DNAH6: variants seen among roughly 807,000 people sequenced by gnomAD.
DNAH6 encodes dynein axonemal heavy chain 6.
DNAH6 carries 340 observed loss-of-function variants against 491.4 expected under a neutral mutation model. That is an observed-to-expected ratio of 0.69 (90% CI 0.63 to 0.76). The LOEUF (loss-of-function observed/expected upper bound fraction) is 0.76. DNAH6 is among the 30% of genes least tolerant of loss of function. The probability of loss-of-function intolerance (pLI) is 0.00; values close to 1 mark genes in which losing one functional copy is unlikely to be tolerated. For synonymous variants in DNAH6, 1,603 were observed against 1,686.1 expected (o/e 0.95, Z 1.21); for missense variants, 4,443 against 4,972.2 (o/e 0.89, Z 3.20).
intron 1 of DNAH6, among the ~76,000 whole-genome samples, chr2:84,517,137 C>A (rs1310322307): frequency 1.3e-5 from 2 of 152,178 alleles, no homozygotes; most frequent in Non-Finnish European, 2.9e-5. Context: ...ACCTCTTGTG[C>A]TAACCCTATT....
chr2:84,482,174 C>CTCTTGTAT, the DNAH6 span, among the ~76,000 whole-genome samples: 1 of 152,296 alleles, frequency 6.6e-6, no homozygotes, highest in East Asian at 1.9e-4. Context: ...GGGGGCATTC[C>CTCTTGTAT]TCTTGTATAG....
Position 84,653,503 on chromosome 2 carries a change from A to G in DNAH6, c.5263A>G (p.Thr1755Ala). ...GCATGGTGTTATGTTAGTCGGGCCA[A>G]CAGGAGGCGGCAAGACCACAGTTTA... ...VRHGVMLVGP[T>A]GGGKTTVYRI... The change falls in exon 34 of 77, where the codon ACA (threonine) becomes GCA (alanine). Residue 1755 changes from threonine to alanine, a missense_variant. Transcript: ENST00000389394. 1.3e-6 allele frequency: 2 copies of G among 1,551,340 alleles called. No individual in the cohort carries two copies. The highest frequency in any genetic ancestry group is 1.7e-6 in the Non-Finnish European group (2 of 1,146,738).
intron 4 of DNAH6, among the ~76,000 whole-genome samples, chr2:84,535,879 G>A (rs1367290979): frequency 1.3e-5 from 2 of 151,796 alleles, no homozygotes; most frequent in Non-Finnish European, 2.9e-5. Flanking sequence ...ACTTTGTTTA[G>A]GAAGAAGAAA....
chr2:84,467,608 C>G, the DNAH6 span, among the ~76,000 whole-genome samples: 1 of 152,154 alleles, frequency 6.6e-6, no homozygotes. Context: ...GTCTAACAAC[C>G]TTTGAATTGT....
At chr2:84,770,884 G>C (rs543663115) in intron 64 of DNAH6, among the ~76,000 whole-genome samples, 1 of 151,988 alleles carries the variant, frequency 6.6e-6, no homozygotes, top group Non-Finnish European at 1.5e-5. Flanking sequence ...CAGCTACTTC[G>C]AAGGCTGAGG....
intron 70 of DNAH6, among the ~76,000 whole-genome samples, chr2:84,800,086 A>G (rs1210956350): frequency 1.3e-5 from 2 of 152,144 alleles, no homozygotes; most frequent in Admixed American, 6.5e-5. Context: ...CAAAAATAAC[A>G]TTGCTACAAG....
At chr2:84,489,570 T>C in the DNAH6 span, among the ~76,000 whole-genome samples, 6 of 152,172 alleles carry the variant, frequency 3.9e-5, no homozygotes, top group Admixed American at 3.9e-4. Context: ...ATTCTTTCTC[T>C]TTCCTTTTTT....
In DNAH6 at chr2:84,703,375, A is replaced by C; in HGVS notation, c.8062-20A>C. 6.8e-7 allele frequency: 1 copy of C among 1,479,888 alleles called. No individual in the cohort carries two copies. The highest frequency in any genetic ancestry group is 9.0e-7 in the Non-Finnish European group (1 of 1,110,620). 91.7% of individuals were successfully genotyped at this position (1,479,888 alleles called of 1,614,324 possible). ...GAGTTTATAATGCTCATTATAATAT[A>C]AATTTTCATTGTCACTTAGGCACGA... On this transcript the variant is annotated intron_variant, in intron 49 of 76. Transcript: ENST00000389394.
At chr2:84,767,775 C>T (rs1675226445) in intron 64 of DNAH6, among the ~76,000 whole-genome samples, 1 of 151,840 alleles carries the variant, frequency 6.6e-6, no homozygotes, top group South Asian at 2.1e-4. Flanking sequence ...TTTTCCAAAA[C>T]AAAAGACATC....
intron 11 of DNAH6, among the ~76,000 whole-genome samples, chr2:84,569,993 G>A (rs1434033180): frequency 1.3e-5 from 2 of 151,914 alleles, no homozygotes; most frequent in African/African-American, 2.4e-5. Context: ...GTTGAAATAG[G>A]CTACAAGCAA....
At chr2:84,598,394 C>T (rs1479261647) in intron 18 of DNAH6, among the ~76,000 whole-genome samples, 2 of 152,010 alleles carry the variant, frequency 1.3e-5, no homozygotes, top group Non-Finnish European at 2.9e-5. Context: ...TATCCATTCA[C>T]CTGGTGAAAG....
intron 21 of DNAH6, among the ~76,000 whole-genome samples, chr2:84,607,553 A>G (rs561893809): frequency 1.6e-4 from 24 of 152,292 alleles, no homozygotes; most frequent in African/African-American, 5.3e-4. Flanking sequence ...TCTCTGAATG[A>G]CAAGATCATT....
chr2:84,763,543 A>G (rs1403547642), intron 64 of DNAH6, among the ~76,000 whole-genome samples: 1 of 152,032 alleles, frequency 6.6e-6, no homozygotes, highest in Non-Finnish European at 1.5e-5. Flanking sequence ...ATGGCAGAGG[A>G]GAATAGGGGT....
intron 15 of DNAH6, among the ~76,000 whole-genome samples, chr2:84,587,155 G>A (rs1405839261): frequency 1.3e-5 from 2 of 152,064 alleles, no homozygotes; most frequent in African/African-American, 2.4e-5. Context: ...CTCTCTTTGT[G>A]TCCATGTGTT....
intron 44 of DNAH6, among the ~76,000 whole-genome samples, chr2:84,687,018 G>A (rs954280212): frequency 6.6e-6 from 1 of 152,188 alleles, no homozygotes; most frequent in African/African-American, 2.4e-5. Flanking sequence ...ACTCTACATA[G>A]TGAAGCTACT....
At chr2:84,673,737 G>A (rs1692961902) in intron 40 of DNAH6, among the ~76,000 whole-genome samples, 1 of 152,196 alleles carries the variant, frequency 6.6e-6, no homozygotes, top group Non-Finnish European at 1.5e-5. Context: ...TAGTCTGGAA[G>A]GCTAGGCCAC....
At chr2:84,748,120 T>G (rs1044822039) in intron 63 of DNAH6, among the ~76,000 whole-genome samples, 1 of 152,186 alleles carries the variant, frequency 6.6e-6, no homozygotes, top group Non-Finnish European at 1.5e-5. Flanking sequence ...TTTTTCCCCC[T>G]GCCTTGAATG....
chr2:84,641,069 A>C (rs1689343999), intron 32 of DNAH6, among the ~76,000 whole-genome samples: 1 of 151,978 alleles, frequency 6.6e-6, no homozygotes, highest in African/African-American at 2.4e-5. Flanking sequence ...GCCCAAGCCT[A>C]AGCTTCTTTC....
chr2:84,599,010 A>G (rs1340670346), intron 18 of DNAH6, among the ~76,000 whole-genome samples: 1 of 142,800 alleles, frequency 7.0e-6, no homozygotes, highest in African/African-American at 2.7e-5. Context: ...GGCATGGGCC[A>G]TAGAGTGAGA....
Sources: gnomAD v4.1 joint callset for allele counts (sites outside exome capture counted in the v4.1 genomes callset) on GRCh38, gnomAD v4.1.1 for gene constraint, MANE v1.5 for transcripts, NCBI Gene and HGNC (gene_info 2026-07-23, HGNC 2026-07-21) for gene names.